Variants in NPAS3 observed in about 807,000 individuals in gnomAD.
NPAS3 encodes the protein neuronal PAS domain protein 3.
In NPAS3, 14 loss-of-function variants were observed where a neutral mutation model predicts 73.1. The observed-to-expected ratio is 0.19, with a 90% CI of 0.13 to 0.30. The LOEUF is 0.30. Among genes scored for constraint, NPAS3 ranks in the 10% least tolerant of loss-of-function variants. NPAS3 has a pLI of 1.00. For missense variants in NPAS3, 1,096 were observed against 1,250.0 expected (o/e 0.88, Z 1.86); for synonymous variants, 620 against 541.5 (o/e 1.14, Z -2.01).
At chr14:33,579,089 C>T (rs1474979564) in intron 5 of NPAS3, among the ~76,000 whole-genome samples, 1 of 152,184 alleles carries the variant, frequency 6.6e-6, no homozygotes, top group Non-Finnish European at 1.5e-5. Flanking sequence ...TCAATACTCT[C>T]AACAATCCTA....
At chr14:33,721,437 T>C (rs2061107362) in intron 6 of NPAS3, among the ~76,000 whole-genome samples, 1 of 152,180 alleles carries the variant, frequency 6.6e-6, no homozygotes, top group African/African-American at 2.4e-5. Flanking sequence ...TAGATGTTCA[T>C]AATTTAAAGA....
At chr14:33,393,379 T>G (rs1594824599) in intron 4 of NPAS3, among the ~76,000 whole-genome samples, 1 of 152,302 alleles carries the variant, frequency 6.6e-6, no homozygotes, top group Middle Eastern at 3.4e-3. Context: ...TTATGGATGG[T>G]GTACATTAGA....
At chr14:33,647,023 G>A (rs538922849) in intron 5 of NPAS3, among the ~76,000 whole-genome samples, 1 of 152,034 alleles carries the variant, frequency 6.6e-6, no homozygotes. Flanking sequence ...GAAGTAATGG[G>A]TTTCAATACT....
intron 6 of NPAS3, among the ~76,000 whole-genome samples, chr14:33,715,224 T>C (rs187303672): frequency 3.2e-4 from 49 of 152,324 alleles, no homozygotes; most frequent in African/African-American, 1.2e-3. Context: ...AAGCTGGCTC[T>C]GATTGTGCCT....
chr14:33,117,110 A>G (rs2043091208), intron 2 of NPAS3, among the ~76,000 whole-genome samples: 1 of 152,064 alleles, frequency 6.6e-6, no homozygotes, highest in East Asian at 1.9e-4. Context: ...ATGGGGGTAC[A>G]ATGTGATGTT....
In NPAS3 at chr14:33,784,149, A is replaced by T. The variant is rs573219981; in HGVS notation, c.1153+5577A>T. ...TAATATCCAACCTAGTAAGCAAAAGATCTTACCGTTTTTTTCCCTTGGGCG... is the reference window on the plus strand; with the variant it reads ...TAATATCCAACCTAGTAAGCAAAAGTTCTTACCGTTTTTTTCCCTTGGGCG... On this transcript the variant is annotated intron_variant, in intron 9 of 11. Coordinates refer to ENST00000356141, the Ensembl canonical transcript of NPAS3. Among the ~76,000 whole-genome samples the T allele has an allele frequency of 1.8e-3, 280 of 152,276 alleles. 2 individuals are homozygous for T. The highest frequency in any genetic ancestry group is 6.4e-3 in the African/African-American group (265 of 41,550).
intron 4 of NPAS3, among the ~76,000 whole-genome samples, chr14:33,449,761 C>T (rs1183477234): frequency 6.6e-6 from 1 of 151,998 alleles, no homozygotes; most frequent in African/African-American, 2.4e-5. Context: ...TCTTTTATTC[C>T]CCCCCAGGCT....
intron 1 of NPAS3, among the ~76,000 whole-genome samples, chr14:32,992,278 C>T (rs1418207529): frequency 6.6e-6 from 1 of 152,122 alleles, no homozygotes; most frequent in Non-Finnish European, 1.5e-5. Context: ...TGTTTTCTAC[C>T]ATATTATTTC....
Position 33,493,749 on chromosome 14 carries a change from T to A in NPAS3, c.469-66372T>A, listed in dbSNP as rs570412249. 1.5e-3 allele frequency among the ~76,000 whole-genome samples: 230 copies of A among 152,244 alleles called. 3 individuals carry two copies. The highest frequency in any genetic ancestry group is 2.8e-3 in the Non-Finnish European group (190 of 68,006). ...AAAACTGTGCTCCCAGGATGAGAAG[T>A]CGCATGCCAAATTTCAGCCTGAAGC... On this transcript the variant is annotated intron_variant, in intron 4 of 11. Coordinates refer to ENST00000356141, the Ensembl canonical transcript of NPAS3.
chr14:33,390,965 T>C (rs999217467), intron 4 of NPAS3, among the ~76,000 whole-genome samples: 6 of 152,310 alleles, frequency 3.9e-5, no homozygotes, highest in African/African-American at 1.4e-4. Context: ...TCCTGTACTT[T>C]CTTTTACAAA....
intron 1 of NPAS3, among the ~76,000 whole-genome samples, chr14:32,964,123 A>G (rs1365171309): frequency 7.3e-6 from 1 of 137,730 alleles, no homozygotes; most frequent in African/African-American, 2.6e-5. Flanking sequence ...CAACTGGGAA[A>G]GTTTCTTCAG....
chr14:33,420,831 A>C (rs1376776969), intron 4 of NPAS3, among the ~76,000 whole-genome samples: 1 of 151,932 alleles, frequency 6.6e-6, no homozygotes, highest in Non-Finnish European at 1.5e-5. Context: ...GTCTATATAG[A>C]TTCATGCCAT....
intron 2 of NPAS3, among the ~76,000 whole-genome samples, chr14:33,061,679 T>C (rs1010207168): frequency 4.6e-5 from 7 of 152,206 alleles, no homozygotes; most frequent in African/African-American, 1.7e-4. Flanking sequence ...AACAAATATA[T>C]TTTAATCATC....
chr14:33,746,171 T>TTTTATTTTTTTTATTTATTTA (rs1555326907), intron 7 of NPAS3, among the ~76,000 whole-genome samples: 1 of 144,358 alleles, frequency 6.9e-6, no homozygotes, highest in African/African-American at 2.6e-5. Flanking sequence ...TTTTATTTTA[T>TTTTATTTTTTTTATTTATTTA]TTTATTTATT....
chr14:33,452,494 C>T (rs955211568), intron 4 of NPAS3, among the ~76,000 whole-genome samples: 6 of 151,996 alleles, frequency 3.9e-5, no homozygotes, highest in African/African-American at 9.7e-5. Flanking sequence ...AAGTCATGGC[C>T]GGGCGTGTTG....
At chr14:33,740,120 A>G (rs1353977665) in intron 7 of NPAS3, among the ~76,000 whole-genome samples, 1 of 152,218 alleles carries the variant, frequency 6.6e-6, no homozygotes, top group Non-Finnish European at 1.5e-5. Flanking sequence ...TCCTACAGAT[A>G]AAGTGAGATA....
intron 4 of NPAS3, among the ~76,000 whole-genome samples, chr14:33,514,466 C>G (rs572696705): frequency 6.6e-6 from 1 of 151,966 alleles, no homozygotes; most frequent in Non-Finnish European, 1.5e-5. Flanking sequence ...TTGTGATGCC[C>G]AAATTGGTTG....
chr14:33,545,250 A>G (rs2054787110), intron 4 of NPAS3, among the ~76,000 whole-genome samples: 1 of 152,078 alleles, frequency 6.6e-6, no homozygotes, highest in South Asian at 2.1e-4. Flanking sequence ...ATTTAGTTTA[A>G]CTGCCCTTAG....
chr14:33,357,888 T>A (rs1177677853), intron 3 of NPAS3, among the ~76,000 whole-genome samples: 1 of 152,148 alleles, frequency 6.6e-6, no homozygotes, highest in Non-Finnish European at 1.5e-5. Context: ...GAATGAGAAA[T>A]TGAGGTCCAT....
Sources: allele counts gnomAD v4.1 joint callset (sites outside exome capture counted in the v4.1 genomes callset), GRCh38; gene constraint gnomAD v4.1.1; transcripts MANE v1.5; gene names NCBI Gene and HGNC (gene_info 2026-07-23, HGNC 2026-07-21).